DGAT2: variants seen among roughly 807,000 people sequenced by gnomAD.
The protein encoded by DGAT2 is diacylglycerol O-acyltransferase 2.
DGAT2 carries 33 observed loss-of-function variants against 48.4 expected under a neutral mutation model. The observed-to-expected ratio is 0.68, with a 90% CI of 0.52 to 0.91. The LOEUF (loss-of-function observed/expected upper bound fraction) is 0.91. DGAT2 is among the 40% of genes least tolerant of loss of function. The pLI, the probability that DGAT2 is intolerant of heterozygous loss-of-function variation, is 0.00. For synonymous variants in DGAT2, 191 were observed against 194.1 expected (o/e 0.98, Z 0.13); for missense variants, 446 against 493.7 (o/e 0.90, Z 0.92).
In DGAT2 at chr11:75,779,780, T is replaced by C. The variant is rs567549057; in HGVS notation, c.122-4838T>C. On this transcript the variant is annotated intron_variant, in intron 1 of 7. Transcript: ENST00000228027. Reference sequence around the variant, plus strand: ...AGGTAGCAGGGTTGTGTTCCCTTTATAGGTGGAGAAACTTGTACCTAGGGA... The same window carrying C: ...AGGTAGCAGGGTTGTGTTCCCTTTACAGGTGGAGAAACTTGTACCTAGGGA... Among the ~76,000 whole-genome samples the C allele has an allele frequency of 2.0e-5, 3 of 152,304 alleles. No individual in the cohort carries two copies. In the South Asian group the frequency reaches 6.2e-4, roughly 32 times the overall value.
At chr11:75,773,109 T>C (rs1367433633) in intron 1 of DGAT2, among the ~76,000 whole-genome samples, 1 of 152,226 alleles carries the variant, frequency 6.6e-6, no homozygotes, top group Admixed American at 6.5e-5. Context: ...AATAGGTACT[T>C]AGTAAGTATC....
chr11:75,784,790 C>T (rs1944903955), intron 2 of DGAT2, 44 bp downstream of exon 2: 18 of 1,612,286 alleles, frequency 1.1e-5, no homozygotes, highest in East Asian at 2.2e-5. Context: ...AGGCAGTGTC[C>T]ACTTCCCCAA....
chr11:75,778,049 C>T (rs1243294851), intron 1 of DGAT2, among the ~76,000 whole-genome samples: 5 of 152,182 alleles, frequency 3.3e-5, no homozygotes, highest in Non-Finnish European at 5.9e-5. Context: ...GCTGTTTCCC[C>T]AGGGCTAGTA....
chr11:75,798,233 C>T lies in DGAT2; in HGVS notation c.816C>T (p.Asp272=), dbSNP rs1292079101. The change falls in exon 7 of 8, where the codon GAC becomes GAT. Residue 272 remains aspartate, a synonymous_variant. Transcript: ENST00000228027. ...CCTGGCCTCTCCCTTCCAGAGCTGA[C>T]CTGGTTCCCATCTACTCCTTTGGAG... ...FVKLALRHGA[D]LVPIYSFGEN... 6.2e-7 allele frequency: 1 copy of T among 1,614,178 alleles called. No homozygotes were observed. Among genetic ancestry groups the T allele is most frequent in the Non-Finnish European group, 8.5e-7 (1 of 1,180,014 alleles).
chr11:75,790,704 C>T lies in DGAT2; in HGVS notation c.402C>T (p.Arg134=), dbSNP rs1280325847. 3.7e-6 allele frequency: 6 copies of T among 1,614,150 alleles called. No individual in the cohort carries two copies. In the South Asian group the frequency reaches 6.6e-5, roughly 18 times the overall value. The change falls in exon 4 of 8, where the codon CGC becomes CGT. Residue 134 remains arginine, a synonymous_variant. Transcript: ENST00000228027. ...GGGTCCGAAACTGGGCTGTGTGGCG[C>T]TACTTTCGAGACTACTTTCCCATCC... The part of the protein sequence containing the change: ...SQWVRNWAVW[R]YFRDYFPIQL...
rs761947903 is a variant in DGAT2, at chr11:75,797,235, G to A, written c.712G>A (p.Val238Ile). 6.3e-7 allele frequency: 1 copy of A among 1,582,456 alleles called. No individual in the cohort carries two copies. The highest frequency in any genetic ancestry group is 8.6e-7 in the Non-Finnish European group (1 of 1,163,722). ...NGSGNAIIIV[V>I]GGAAESLSSM... is the part of the protein sequence containing the mutation. ...GAGTGGCAATGCTATCATCATCGTG[G>A]TCGGGGGTGCGGCTGAGTCTCTGAG... Residue 238 changes from valine to isoleucine, a missense_variant, in exon 6 of 8, where the codon GTC becomes ATC. Physicochemically the swap from Val to Ile is conservative, Grantham distance 29. Coordinates refer to ENST00000228027, the MANE Select transcript of DGAT2 (RefSeq NM_032564.5).
In DGAT2 at chr11:75,798,269, G is replaced by A. The variant is rs755755531; in HGVS notation, c.852G>A (p.Val284=). 1.1e-5 allele frequency: 18 copies of A among 1,614,082 alleles called. 1 individual carries two copies. The highest frequency in any genetic ancestry group is 1.6e-4 in the Middle Eastern group (1 of 6,084). ...TCTACTCCTTTGGAGAGAATGAAGT[G>A]TACAAGCAGGTGATCTTCGAGGAGG... ...VPIYSFGENE[V]YKQVIFEEGS... Residue 284 remains valine (V), a synonymous_variant, in exon 7 of 8, where the codon GTG becomes GTA. Transcript: ENST00000228027.
intron 1 of DGAT2, among the ~76,000 whole-genome samples, chr11:75,778,198 CCT>C (rs150153356): frequency 0.035 from 5,374 of 152,266 alleles, 208 homozygotes; most frequent in Non-Finnish European, 0.041. Context: ...CACTCACCCC[CCT>C]TTCTGGGTTC....
intron 3 of DGAT2, 106 bp from the exon 4 acceptor site, chr11:75,790,555 G>A (rs1944976656): frequency 2.8e-5 from 29 of 1,051,546 alleles, no homozygotes; most frequent in Non-Finnish European, 4.2e-5. Context: ...GGGGCATGGT[G>A]CATGGGGTGA....
chr11:75,796,290 C>G, intron 4 of DGAT2, 38 bp from the exon 5 acceptor site: 1 of 1,589,470 alleles, frequency 6.3e-7, no homozygotes, highest in Non-Finnish European at 8.6e-7. Context: ...GTATCCCTCT[C>G]CCAGCCAGTT....
At position 75,770,986 on chromosome 11, in the gene DGAT2, T is replaced by G. The variant is rs1944750994; in HGVS notation, c.121+1874T>G. On this transcript the variant is annotated intron_variant, in intron 1 of 7. Transcript: ENST00000228027. ...CCATTAGACCTGCCTTCTAGATCCT[T>G]GGTCCTTGAAGATACTCCCCAGTGG... Among the ~76,000 whole-genome samples the G allele has an allele frequency of 2.0e-5, 3 of 152,156 alleles. No homozygotes were observed. The South Asian group carries it at 6.2e-4, about 31-fold the overall frequency.
At chr11:75,799,073 C>A (rs975212034) in intron 7 of DGAT2, among the ~76,000 whole-genome samples, 8 of 152,146 alleles carry the variant, frequency 5.3e-5, no homozygotes, top group Non-Finnish European at 1.2e-4. Flanking sequence ...GTTAATGGAT[C>A]CCCCAGGAGC....
chr11:75,787,032 A>G (rs1283581242), intron 2 of DGAT2, among the ~76,000 whole-genome samples: 1 of 152,228 alleles, frequency 6.6e-6, no homozygotes, highest in African/African-American at 2.4e-5. Flanking sequence ...TGTAATAATT[A>G]CTATAGTTCT....
At chr11:75,778,783 G>A (rs1171168673) in intron 1 of DGAT2, among the ~76,000 whole-genome samples, 4 of 144,744 alleles carry the variant, frequency 2.8e-5, no homozygotes, top group African/African-American at 7.9e-5. Context: ...GCAGCGAGTC[G>A]AGATCGCACC....
At chr11:75,790,531 G>A (rs1170181619) in intron 3 of DGAT2, 130 bp from the exon 4 acceptor site, 2 of 907,660 alleles carry the variant, frequency 2.2e-6, no homozygotes, top group East Asian at 4.8e-5. Context: ...TGTGGAAAGG[G>A]GCCTGATGGG....
At chr11:75,776,017 T>G (rs1944800158) in intron 1 of DGAT2, 1 of 152,072 alleles carries the variant, frequency 6.6e-6, no homozygotes, top group Non-Finnish European at 1.5e-5. Flanking sequence ...GTGTAAAGGG[T>G]ACTTAGAAAG....
intron 1 of DGAT2, among the ~76,000 whole-genome samples, chr11:75,777,080 T>G (rs902886539): frequency 2.6e-5 from 4 of 152,132 alleles, no homozygotes; most frequent in African/African-American, 9.7e-5. Context: ...GGGCAGACAT[T>G]AGGTCCAGAT....
At chr11:75,798,708 T>C (rs1372238911) in intron 7 of DGAT2, among the ~76,000 whole-genome samples, 1 of 152,150 alleles carries the variant, frequency 6.6e-6, no homozygotes, top group Non-Finnish European at 1.5e-5. Context: ...CAGGGAAGAC[T>C]ATTGCAGCAA....
At chr11:75,779,720 T>C (rs1944839819) in intron 1 of DGAT2, among the ~76,000 whole-genome samples, 1 of 152,222 alleles carries the variant, frequency 6.6e-6, no homozygotes, top group South Asian at 2.1e-4. Context: ...CCCTACAGCC[T>C]GTCTCATCTG....
Sources: gnomAD v4.1 joint callset for allele counts (sites outside exome capture counted in the v4.1 genomes callset) on GRCh38, gnomAD v4.1.1 for gene constraint, MANE v1.5 for transcripts, NCBI Gene and HGNC (gene_info 2026-07-23, HGNC 2026-07-21) for gene names.